Variants in MYO5C observed in about 807,000 individuals in gnomAD.
MYO5C encodes the protein unconventional myosin-Vc.
A neutral mutation model predicts 235.7 loss-of-function variants in MYO5C; 194 were observed. That is an observed-to-expected ratio of 0.82 (90% CI 0.73 to 0.93). The LOEUF (loss-of-function observed/expected upper bound fraction) is 0.93, where lower values mean the gene tolerates loss of function less well. Among genes scored for constraint, MYO5C ranks in the 40% least tolerant of loss-of-function variants. The pLI is 0.00. For missense variants in MYO5C, 2,038 were observed against 2,127.2 expected (o/e 0.96, Z 0.82); for synonymous variants, 707 against 754.8 (o/e 0.94, Z 1.04).
intron 9 of MYO5C, among the ~76,000 whole-genome samples, chr15:52,261,862 G>A (rs552990938): frequency 6.6e-6 from 1 of 152,202 alleles, no homozygotes; most frequent in Non-Finnish European, 1.5e-5. Context: ...GAACTCCCAA[G>A]GCAGGCTCCC....
chr15:52,229,315 T>G lies in MYO5C; in HGVS notation c.3027-2A>C. On this transcript the variant is annotated splice_acceptor_variant, in intron 24 of 40. Transcript: ENST00000261839. LOFTEE classifies it high-confidence loss of function. ...AGTTCAAAACTTTTTTCAAGAAGCC[T>G]ACGCAGCAAAAGAAGAAAATAATTT... The G allele has an allele frequency of 6.2e-7, 1 of 1,609,838 alleles. No individual in the cohort carries two copies. The highest frequency in any genetic ancestry group is 8.5e-7 in the Non-Finnish European group (1 of 1,179,580).
chr15:52,268,738 G>A (rs1197211644), intron 8 of MYO5C, among the ~76,000 whole-genome samples: 1 of 152,118 alleles, frequency 6.6e-6, no homozygotes, highest in African/African-American at 2.4e-5. Flanking sequence ...AAAGTAAGGC[G>A]AGAAGGATTG....
chr15:52,207,560 CAT>C (rs2035348142), intron 36 of MYO5C, among the ~76,000 whole-genome samples: 1 of 152,092 alleles, frequency 6.6e-6, no homozygotes, highest in African/African-American at 2.4e-5. Context: ...TAGGTAAAAA[CAT>C]AATTAATTGT....
At chr15:52,292,802 A>G (rs1268546351) in intron 1 of MYO5C, among the ~76,000 whole-genome samples, 5 of 152,220 alleles carry the variant, frequency 3.3e-5, no homozygotes, top group Non-Finnish European at 7.3e-5. Context: ...TCCTGCTCAA[A>G]TTGAAGGTGG....
intron 20 of MYO5C, 140 bp from the exon 21 acceptor site, chr15:52,240,019 G>A (rs1320504903): frequency 1.2e-6 from 1 of 851,222 alleles, no homozygotes; most frequent in African/African-American, 1.7e-5. Context: ...ATTACAGCTA[G>A]ACTTTTCAAA....
chr15:52,228,640 G>A (rs2035882857), intron 25 of MYO5C, among the ~76,000 whole-genome samples: 2 of 152,032 alleles, frequency 1.3e-5, no homozygotes. Flanking sequence ...CATTTTTTGT[G>A]GTGAGAACAT....
At position 52,255,905 on chromosome 15, in the gene MYO5C, C is replaced by G. The variant is rs868777824; in HGVS notation, c.1395+734G>C. Among the ~76,000 whole-genome samples the G allele has an allele frequency of 2.6e-5, 4 of 152,248 alleles. No homozygotes were observed. The South Asian group carries it at 6.2e-4, about 24-fold the overall frequency. Reference sequence around the variant, plus strand: ...GTGGAAAAAAAAAATTGGAATCCATCTCCTGTCTGTTTCCATGGGATGATA... The same window carrying G: ...GTGGAAAAAAAAAATTGGAATCCATGTCCTGTCTGTTTCCATGGGATGATA... On this transcript the variant is annotated intron_variant, in intron 11 of 40. Coordinates refer to ENST00000261839, the MANE Select transcript of MYO5C (RefSeq NM_018728.4).
At position 52,256,672 on chromosome 15, in the gene MYO5C, G is replaced by A. The variant is rs771540345; in HGVS notation, c.1362C>T (p.Tyr454=). 69 of 1,600,024 alleles carry A rather than the reference G, an allele frequency of 4.3e-5. No homozygotes were observed. Among genetic ancestry groups the A allele is most frequent in the East Asian group, 2.3e-4 (10 of 43,502 alleles). ...ACTGTTGTTGCAGTTTTTCATTAGC[G>A]TAATTGATGCAAAATTGTTCAAAGC... ...VNSFEQFCIN[Y]ANEKLQQQFN... The change falls in exon 11 of 41, where the codon TAC becomes TAT. Residue 454 remains tyrosine (Y), a synonymous_variant. Coordinates refer to ENST00000261839, the MANE Select transcript of MYO5C (RefSeq NM_018728.4).
In MYO5C at chr15:52,237,613, T is replaced by C. The variant is rs1418953860; in HGVS notation, c.2737A>G (p.Thr913Ala). ...KENHGLVEKL[T>A]SLAALRAGDV... ...CCAGCTCGAAGAGCAGCCAGGCTAG[T>C]CAGCTTCTCCACCAGCCCATGGTTT... Residue 913 changes from threonine (T) to alanine (A), a missense_variant, in exon 22 of 41, where the codon ACT becomes GCT. Coordinates refer to ENST00000261839, the MANE Select transcript of MYO5C (RefSeq NM_018728.4). 22 of 1,613,846 alleles carry C rather than the reference T, an allele frequency of 1.4e-5. 1 individual carries two copies. The highest frequency in any genetic ancestry group is 6.7e-5 in the African/African-American group (5 of 74,914).
At chr15:52,204,336 G>A (rs1346598268) in intron 38 of MYO5C, among the ~76,000 whole-genome samples, 1 of 151,676 alleles carries the variant, frequency 6.6e-6, no homozygotes. Context: ...TGCTTGGAAC[G>A]TTCTTCTCCG....
chr15:52,282,749 A>G (rs2037185576), intron 2 of MYO5C, 33 bp downstream of exon 2: 2 of 1,450,930 alleles, frequency 1.4e-6, no homozygotes, highest in Admixed American at 1.7e-5. Flanking sequence ...CGCTTTACAC[A>G]TCGACGTAGC....
At position 52,295,731 on chromosome 15, in the gene MYO5C, C is replaced by G. The variant is rs1203821410; in HGVS notation, c.-95G>C. ...AGAGGCCGGGCGCAGGAGAGACCGC[C>G]GCGGAAATCACCGCCGGGCCATCTT... On this transcript the variant is annotated 5_prime_UTR_variant, in exon 1 of 41. Transcript: ENST00000261839. 1 of 850,460 alleles carries G rather than the reference C, an allele frequency of 1.2e-6. No homozygotes were observed. The highest frequency in any genetic ancestry group is 1.6e-6 in the Non-Finnish European group (1 of 613,980). The allele number at this position is 850,460 out of a possible 1,614,324, so 52.7% of individuals were successfully genotyped here.
intron 4 of MYO5C, 58 bp from the exon 5 acceptor site, chr15:52,275,776 G>A: frequency 6.5e-7 from 1 of 1,540,040 alleles, no homozygotes; most frequent in Non-Finnish European, 9.0e-7. Flanking sequence ...GGCAACATGT[G>A]CTAATTAAGA....
rs71130140 is a variant in MYO5C at position 52,195,962 on chromosome 15, C to CTTTTTTTTT, written c.4995+338_4995+346dup. Among the ~76,000 whole-genome samples the CTTTTTTTTT allele has an allele frequency of 1.1e-3, 93 of 80,962 alleles. 7 individuals are homozygous for CTTTTTTTTT. Among genetic ancestry groups the CTTTTTTTTT allele is most frequent in the East Asian group, 4.7e-3 (7 of 1,488 alleles). 53.1% of individuals were successfully genotyped at this position (80,962 alleles called of 152,430 possible). The stretch of plus-strand genomic sequence containing the variant: ...CAAAGGTGTGTGCCATCACACCCAG[C>CTTTTTTTTT]TTTTTTTTTTTTTTTTTTTTTTTTT... On this transcript the variant is annotated intron_variant, in intron 39 of 40. Transcript: ENST00000261839.
intron 38 of MYO5C, among the ~76,000 whole-genome samples, chr15:52,203,492 T>C (rs1490742996): frequency 5.9e-5 from 9 of 152,044 alleles, no homozygotes; most frequent in Admixed American, 5.9e-4. Flanking sequence ...ATTACAGGCA[T>C]GTGCCACAAC....
In MYO5C at chr15:52,224,950, C is replaced by T. The variant is rs1474358820; in HGVS notation, c.3397G>A (p.Glu1133Lys). 1.9e-6 allele frequency: 3 copies of T among 1,613,940 alleles called. No homozygotes were observed. Among genetic ancestry groups the T allele is most frequent in the Non-Finnish European group, 2.5e-6 (3 of 1,179,984 alleles). The change falls in exon 28 of 41, where the codon GAG becomes AAG. Residue 1133 changes from glutamate to lysine, a missense_variant. By Grantham distance (56) the Glu-to-Lys change is moderately conservative (BLOSUM62 1). Coordinates refer to ENST00000261839, the MANE Select transcript of MYO5C (RefSeq NM_018728.4). ...TAAGCAAACCAAAGTTCTCCATCCT[C>T]ATTTAAATGTTCCAGATCTTCCACA... ...LSVEDLEHLNEDGELWFAYEG... is the reference protein window; with the variant it reads ...LSVEDLEHLNKDGELWFAYEG...
At chr15:52,273,145 C>T (rs1214460086) in intron 5 of MYO5C, among the ~76,000 whole-genome samples, 2 of 152,186 alleles carry the variant, frequency 1.3e-5, no homozygotes, top group East Asian at 3.9e-4. Flanking sequence ...ACAGTGAGAC[C>T]CCCGTCTCTA....
chr15:52,194,538 G>A (rs962540678), intron 40 of MYO5C, among the ~76,000 whole-genome samples: 31 of 152,052 alleles, frequency 2.0e-4, no homozygotes, highest in African/African-American at 7.2e-4. Context: ...TATACATTGT[G>A]TATATGTGTA....
In MYO5C at chr15:52,193,878, A is replaced by G; in HGVS notation, c.*24T>C. On this transcript the variant is annotated 3_prime_UTR_variant, in exon 41 of 41. Coordinates refer to ENST00000261839, the MANE Select transcript of MYO5C (RefSeq NM_018728.4). ...GAACCTTCACTTAGCTTTTGAAGAAAAAGTGCATTGACTTTTTCTCCTGCT... is the reference window on the plus strand; with the variant it reads ...GAACCTTCACTTAGCTTTTGAAGAAGAAGTGCATTGACTTTTTCTCCTGCT... The G allele has an allele frequency of 6.3e-7, 1 of 1,595,396 alleles. No individual in the cohort carries two copies. The highest frequency in any genetic ancestry group is 1.2e-5 in the South Asian group (1 of 86,370).
Sources: allele counts gnomAD v4.1 joint callset (sites outside exome capture counted in the v4.1 genomes callset), GRCh38; gene constraint gnomAD v4.1.1; transcripts MANE v1.5; gene names NCBI Gene and HGNC (gene_info 2026-07-23, HGNC 2026-07-21).